The following STX8 variants were observed in gnomAD, a reference collection of about 807,000 sequenced individuals.
The protein encoded by STX8 is syntaxin 8.
Under a neutral mutation model 37.5 loss-of-function variants are expected in STX8, and 23 were observed. That is an observed-to-expected ratio of 0.61 (90% CI 0.44 to 0.87). The LOEUF (loss-of-function observed/expected upper bound fraction) is 0.87, where lower values mean the gene tolerates loss of function less well. STX8 is among the 40% of genes least tolerant of loss of function. STX8 has a pLI of 0.00. For missense variants in STX8, 313 were observed against 284.7 expected (o/e 1.10, Z -0.71); for synonymous variants, 115 against 99.1 (o/e 1.16, Z -0.95).
intron 7 of STX8, among the ~76,000 whole-genome samples, chr17:9,312,864 G>T (rs115890434): frequency 6.6e-6 from 1 of 152,084 alleles, no homozygotes; most frequent in South Asian, 2.1e-4. Flanking sequence ...AGAATCTTGC[G>T]TCCCCAGGCA....
At chr17:9,300,656 G>A (rs73265976) in intron 7 of STX8, among the ~76,000 whole-genome samples, 1,948 of 152,104 alleles carry the variant, frequency 0.013, 38 homozygotes, top group African/African-American at 0.042. Context: ...AGGACTTGGC[G>A]TTCTTAGTTT....
At chr17:9,513,537 A>G (rs1235001445) in intron 4 of STX8, among the ~76,000 whole-genome samples, 1 of 152,158 alleles carries the variant, frequency 6.6e-6, no homozygotes, top group Non-Finnish European at 1.5e-5. Flanking sequence ...GCTTGTGAGG[A>G]TGTTGTGAAA....
chr17:9,279,900 C>T (rs1907818916), intron 7 of STX8, among the ~76,000 whole-genome samples: 1 of 152,198 alleles, frequency 6.6e-6, no homozygotes, highest in Non-Finnish European at 1.5e-5. Flanking sequence ...TAAAATACAT[C>T]AATAGATTCC....
chr17:9,303,752 G>A (rs1405408317), intron 7 of STX8, among the ~76,000 whole-genome samples: 18 of 152,050 alleles, frequency 1.2e-4, no homozygotes, highest in Non-Finnish European at 2.2e-4. Flanking sequence ...CAACTGAGTA[G>A]CCATCTGTAA....
At chr17:9,512,423 T>C (rs1022402447) in intron 4 of STX8, among the ~76,000 whole-genome samples, 2 of 151,360 alleles carry the variant, frequency 1.3e-5, no homozygotes, top group Non-Finnish European at 2.9e-5. Flanking sequence ...TGGAACAGAA[T>C]AGAGAACCCA....
intron 6 of STX8, among the ~76,000 whole-genome samples, chr17:9,469,440 G>A (rs1451344152): frequency 6.6e-6 from 1 of 151,872 alleles, no homozygotes; most frequent in Non-Finnish European, 1.5e-5. Flanking sequence ...GAAAACTGAG[G>A]CCTGATTACA....
chr17:9,389,568 A>G (rs182600760), intron 6 of STX8, among the ~76,000 whole-genome samples: 69 of 152,142 alleles, frequency 4.5e-4, no homozygotes, highest in African/African-American at 1.6e-3. Flanking sequence ...AAAATACCCG[A>G]CTCCAATAAT....
intron 3 of STX8, chr17:9,554,962 C>T (rs1906910009): frequency 6.6e-6 from 1 of 151,730 alleles, no homozygotes; most frequent in Non-Finnish European, 1.5e-5. Flanking sequence ...TTATGAGCGC[C>T]CTCATGGGGT....
At chr17:9,546,385 G>T (rs1414078083) in intron 3 of STX8, among the ~76,000 whole-genome samples, 1 of 89,498 alleles carries the variant, frequency 1.1e-5, no homozygotes, top group African/African-American at 3.6e-5. Flanking sequence ...ATAAGTGATG[G>T]TTAAAAAAAA....
At chr17:9,527,567 T>G (rs1750188462) in intron 4 of STX8, among the ~76,000 whole-genome samples, 1 of 152,262 alleles carries the variant, frequency 6.6e-6, no homozygotes, top group African/African-American at 2.4e-5. Context: ...TCAAATGATT[T>G]TTTTAAAGAC....
chr17:9,477,757 G>C lies in STX8; in HGVS notation c.541+14072C>G, dbSNP rs145092137. Among the ~76,000 whole-genome samples the C allele has an allele frequency of 2.6e-3, 401 of 152,318 alleles. 1 individual carries two copies. Among genetic ancestry groups the C allele is most frequent in the African/African-American group, 9.1e-3 (379 of 41,572 alleles). The stretch of plus-strand genomic sequence containing the variant: ...TTGATTTATTCCAAGATATTTATTT[G>C]CTTTAGACTTTGTTAGAAAAATGTA... On this transcript the variant is annotated intron_variant, in intron 6 of 7. Transcript: ENST00000306357.
At chr17:9,282,159 G>C (rs553036295) in intron 7 of STX8, among the ~76,000 whole-genome samples, 2 of 152,280 alleles carry the variant, frequency 1.3e-5, no homozygotes. Context: ...TTGAGATGGA[G>C]TCTGGCTCTG....
chr17:9,422,410 G>A (rs1185556718), intron 6 of STX8, among the ~76,000 whole-genome samples: 1 of 152,156 alleles, frequency 6.6e-6, no homozygotes, highest in Non-Finnish European at 1.5e-5. Flanking sequence ...CCTGGCCAAG[G>A]CCGTCTCAGG....
At chr17:9,380,771 T>TG (rs1270423764) in intron 6 of STX8, among the ~76,000 whole-genome samples, 1 of 141,866 alleles carries the variant, frequency 7.0e-6, no homozygotes, top group East Asian at 2.2e-4. Context: ...TGGAGTGCAG[T>TG]GGTGTCATAG....
chr17:9,495,339 T>C (rs1410121181), intron 5 of STX8, among the ~76,000 whole-genome samples: 1 of 152,194 alleles, frequency 6.6e-6, no homozygotes, highest in African/African-American at 2.4e-5. Context: ...AGTGCTCCTA[T>C]AGGATGACTG....
At chr17:9,260,646 AC>A (rs879421700) in intron 7 of STX8, among the ~76,000 whole-genome samples, 7,389 of 151,984 alleles carry the variant, frequency 0.049, 296 homozygotes, top group African/African-American at 0.11. Flanking sequence ...AAACAAACAA[AC>A]AAACAAACAA....
At position 9,505,038 on chromosome 17, in the gene STX8, C is replaced by T. The variant is rs1025149515; in HGVS notation, c.448G>A (p.Glu150Lys). The T allele has an allele frequency of 3.1e-6, 5 of 1,600,620 alleles. No individual in the cohort carries two copies. Among genetic ancestry groups the T allele is most frequent in the African/African-American group, 1.4e-5 (1 of 73,808 alleles). Reference protein sequence around the residue: ...IRQQQQKIIQEQDAGLDALSS... With the variant: ...IRQQQQKIIQKQDAGLDALSS... ...CCACACTCCTCAGGATATTTAGTAC[C>T]TTGGATAATTTTCTGCTGCTGTTGC... The change falls in exon 5 of 8, where the codon GAA (glutamate) becomes AAA (lysine). Residue 150 changes from glutamate (E) to lysine (K), a missense_variant and splice_region_variant. Coordinates refer to ENST00000306357, the MANE Select transcript of STX8 (RefSeq NM_004853.3).
intron 6 of STX8, among the ~76,000 whole-genome samples, chr17:9,476,115 G>A (rs1206556893): frequency 6.6e-6 from 1 of 152,196 alleles, no homozygotes; most frequent in Non-Finnish European, 1.5e-5. Flanking sequence ...GGGGGCGGAG[G>A]TTGCAGTGAG....
At chr17:9,409,474 CTATTT>C (rs1283974024) in intron 6 of STX8, among the ~76,000 whole-genome samples, 1 of 152,234 alleles carries the variant, frequency 6.6e-6, no homozygotes, top group African/African-American at 2.4e-5. Flanking sequence ...TTATAGCCGC[CTATTT>C]TATTTAAACA....
Sources: gnomAD v4.1 joint callset for allele counts (sites outside exome capture counted in the v4.1 genomes callset) on GRCh38, gnomAD v4.1.1 for gene constraint, MANE v1.5 for transcripts, NCBI Gene and HGNC (gene_info 2026-07-23, HGNC 2026-07-21) for gene names.